The following ERC2 variants were observed in gnomAD, a reference collection of about 807,000 sequenced individuals.
The protein encoded by ERC2 is ERC protein 2.
ERC2 carries 42 observed loss-of-function variants against 114.8 expected under a neutral mutation model. The ratio of observed to expected loss-of-function variants is 0.37; its 90% CI spans 0.29 to 0.47. The LOEUF is 0.47. Among genes scored for constraint, ERC2 ranks in the 20% least tolerant of loss-of-function variants. The probability of loss-of-function intolerance (pLI) is 0.99; values close to 1 mark genes in which losing one functional copy is unlikely to be tolerated. For synonymous variants in ERC2, 454 were observed against 425.5 expected (o/e 1.07, Z -0.82); for missense variants, 939 against 1,150.7 (o/e 0.82, Z 2.66).
At chr3:56,372,924 T>G (rs897739956) in intron 2 of ERC2, among the ~76,000 whole-genome samples, 2 of 152,148 alleles carry the variant, frequency 1.3e-5, no homozygotes, top group African/African-American at 4.8e-5. Context: ...TAATAACAAA[T>G]ACATACAAGA....
intron 17 of ERC2, among the ~76,000 whole-genome samples, chr3:55,573,584 C>T (rs1253077326): frequency 2.0e-5 from 3 of 152,064 alleles, no homozygotes; most frequent in Non-Finnish European, 1.5e-5. Flanking sequence ...CACACTGGGC[C>T]GCTCCTCATG....
chr3:55,675,589 G>C (rs1038937467), intron 17 of ERC2, among the ~76,000 whole-genome samples: 2 of 152,134 alleles, frequency 1.3e-5, no homozygotes, highest in African/African-American at 4.8e-5. Flanking sequence ...GGTGGGGCTG[G>C]AGTTGCTTTC....
chr3:55,932,017 G>A (rs1341512256), intron 13 of ERC2, among the ~76,000 whole-genome samples: 1 of 152,102 alleles, frequency 6.6e-6, no homozygotes, highest in Non-Finnish European at 1.5e-5. Flanking sequence ...TGTAGAATTT[G>A]TTCTGTAAAT....
rs2053053013 is a variant in ERC2 at position 55,522,827 on chromosome 3, ATT to A, written c.*40-11553_*40-11552del. Among the ~76,000 whole-genome samples, 5 of 152,332 alleles carry A rather than the reference ATT, an allele frequency of 3.3e-5. No homozygotes were observed. The South Asian group carries it at 1.0e-3, about 32-fold the overall frequency. On this transcript the variant is annotated intron_variant, in intron 17 of 17. Coordinates refer to ENST00000288221, the MANE Select transcript of ERC2 (RefSeq NM_015576.3). ...AACAATGGGCCTCCAAGATGGGCCC[ATT>A]CTCCCATCTGTTATGGGGCTTCCAG...
At position 56,019,063 on chromosome 3, in the gene ERC2, T is replaced by C. The variant is rs761297733; in HGVS notation, c.1642-32A>G. 1.7e-5 allele frequency: 27 copies of C among 1,545,434 alleles called. No individual in the cohort carries two copies. The South Asian group carries it at 2.8e-4, about 16-fold the overall frequency. ...ATAAAAATCAATATTTTAATGCATA[T>C]TTGATTACATATCCTAGGCCAAAAT... On this transcript the variant is annotated intron_variant, in intron 7 of 17. Coordinates refer to ENST00000288221, the MANE Select transcript of ERC2 (RefSeq NM_015576.3).
At chr3:56,128,938 G>A (rs1560220215) in intron 6 of ERC2, among the ~76,000 whole-genome samples, 2 of 152,162 alleles carry the variant, frequency 1.3e-5, no homozygotes, top group African/African-American at 4.8e-5. Flanking sequence ...GGAGCCAGAC[G>A]TTGTTCTGTT....
At chr3:55,838,597 C>T (rs926741353) in intron 14 of ERC2, among the ~76,000 whole-genome samples, 3 of 151,590 alleles carry the variant, frequency 2.0e-5, no homozygotes, top group African/African-American at 7.3e-5. Context: ...TATTAGGAAA[C>T]AAGAAAGGTC....
intron 7 of ERC2, among the ~76,000 whole-genome samples, chr3:56,054,526 C>T (rs939899510): frequency 4.6e-5 from 7 of 152,248 alleles, no homozygotes; most frequent in Middle Eastern, 3.4e-3. Flanking sequence ...ATGTCTATTA[C>T]GTCCTATCAT....
chr3:55,920,098 G>C (rs370032625), intron 13 of ERC2, among the ~76,000 whole-genome samples: 1 of 151,938 alleles, frequency 6.6e-6, no homozygotes, highest in African/African-American at 2.4e-5. Flanking sequence ...TAGTATGGCC[G>C]GATGCACATT....
At chr3:55,831,381 A>AG (rs2060570706) in intron 14 of ERC2, among the ~76,000 whole-genome samples, 1 of 36,028 alleles carries the variant, frequency 2.8e-5, no homozygotes, top group Non-Finnish European at 4.9e-5. Flanking sequence ...AGGGAAGGGA[A>AG]GGGAAGGAAG....
intron 2 of ERC2, among the ~76,000 whole-genome samples, chr3:56,412,613 T>C (rs2060985017): frequency 1.3e-5 from 2 of 152,182 alleles, no homozygotes; most frequent in Admixed American, 1.3e-4. Flanking sequence ...GACATAATCA[T>C]GCAGTGTTCA....
At chr3:55,672,707 C>G (rs1037121885) in intron 17 of ERC2, among the ~76,000 whole-genome samples, 1 of 152,142 alleles carries the variant, frequency 6.6e-6, no homozygotes, top group Non-Finnish European at 1.5e-5. Context: ...GTGAACTAGG[C>G]AGAAAGCCAC....
At position 55,707,967 on chromosome 3, in the gene ERC2, T is replaced by C. The variant is rs147073300; in HGVS notation, c.2713-8455A>G. On this transcript the variant is annotated intron_variant, in intron 15 of 17. Transcript: ENST00000288221. ...TAACTGGTAGATCTGAGGCTCTGAC[T>C]GTGCAGCCTCCTTTGTAACCAGTGC... 4.0e-3 allele frequency among the ~76,000 whole-genome samples: 607 copies of C among 152,304 alleles called. 6 individuals carry two copies. The highest frequency in any genetic ancestry group is 0.014 in the African/African-American group (565 of 41,562).
At chr3:55,764,855 TA>T (rs1024853756) in intron 14 of ERC2, among the ~76,000 whole-genome samples, 2 of 152,192 alleles carry the variant, frequency 1.3e-5, no homozygotes, top group African/African-American at 2.4e-5. Context: ...CCATTGCATG[TA>T]GCCTAATGTG....
chr3:56,036,754 G>A (rs1001515394), intron 7 of ERC2, among the ~76,000 whole-genome samples: 6 of 152,114 alleles, frequency 3.9e-5, no homozygotes, highest in Non-Finnish European at 7.4e-5. Context: ...CTATGAACCT[G>A]TACAACCTGC....
chr3:56,028,596 G>C (rs1220400146), intron 7 of ERC2, among the ~76,000 whole-genome samples: 1 of 152,002 alleles, frequency 6.6e-6, no homozygotes, highest in East Asian at 1.9e-4. Context: ...TTTATCAATA[G>C]CTTCCACATA....
At chr3:55,654,249 A>G (rs953286778) in intron 17 of ERC2, among the ~76,000 whole-genome samples, 3 of 152,200 alleles carry the variant, frequency 2.0e-5, no homozygotes, top group Non-Finnish European at 4.4e-5. Context: ...AGCAAACTGT[A>G]TCACCTCACA....
intron 3 of ERC2, among the ~76,000 whole-genome samples, chr3:56,204,929 TGTGTGTGTGTG>T (rs2048628073): frequency 4.4e-5 from 2 of 45,782 alleles, no homozygotes; most frequent in African/African-American, 1.2e-4. Flanking sequence ...TGTCTGTGTG[TGTGTGTGTGTG>T]TGTGTGTGTG....
rs546727586 is a variant in ERC2, at chr3:55,789,426, G to A, written c.2565-54508C>T. 6.8e-3 allele frequency among the ~76,000 whole-genome samples: 1,029 copies of A among 152,260 alleles called. 8 individuals are homozygous for A. Among genetic ancestry groups the A allele is most frequent in the African/African-American group, 0.023 (969 of 41,556 alleles). On this transcript the variant is annotated intron_variant, in intron 14 of 17. Coordinates refer to ENST00000288221, the MANE Select transcript of ERC2 (RefSeq NM_015576.3). Reference sequence around the variant, plus strand: ...GCTACTACTCCATGAGATTTACACAGATAAGATCCCAAGTCTCTTAGCAAT... The same window carrying A: ...GCTACTACTCCATGAGATTTACACAAATAAGATCCCAAGTCTCTTAGCAAT...
Sources: gnomAD v4.1 joint callset for allele counts (sites outside exome capture counted in the v4.1 genomes callset) on GRCh38, gnomAD v4.1.1 for gene constraint, MANE v1.5 for transcripts, NCBI Gene and HGNC (gene_info 2026-07-23, HGNC 2026-07-21) for gene names.